The following ANKMY2 variants were observed in gnomAD, a reference collection of about 807,000 sequenced individuals.
ANKMY2 encodes ankyrin repeat and MYND domain containing 2.
ANKMY2 carries 36 observed loss-of-function variants against 50.4 expected under a neutral mutation model. The ratio of observed to expected loss-of-function variants is 0.71; its 90% CI spans 0.55 to 0.94. ANKMY2 has a LOEUF of 0.94. Ranked by LOEUF, ANKMY2 falls within the 40% of genes least tolerant of loss-of-function variation. ANKMY2 has a pLI of 0.00. For synonymous variants in ANKMY2, 187 were observed against 178.8 expected (o/e 1.05, Z -0.36); for missense variants, 565 against 524.0 (o/e 1.08, Z -0.76).
chr7:16,645,384 G>A (rs1402404892), intron 1 of ANKMY2, 123 bp downstream of exon 1: 21 of 952,276 alleles, frequency 2.2e-5, no homozygotes, highest in Non-Finnish European at 2.9e-5. Context: ...CTCTTTCCCG[G>A]TTCCAGGCTG....
Position 16,624,966 on chromosome 7 carries a change from C to A in ANKMY2, c.370+17G>T. 1 of 1,609,730 alleles carries A rather than the reference C, an allele frequency of 6.2e-7. No homozygotes were observed. Among genetic ancestry groups the A allele is most frequent in the Non-Finnish European group, 8.5e-7 (1 of 1,177,228 alleles). ...ATTTTGGGTATAATCTAATGCAAAA[C>A]TGCAGCAAAATCTCACCCACAAAGG... On this transcript the variant is annotated intron_variant, in intron 4 of 9. Coordinates refer to ENST00000306999, the MANE Select transcript of ANKMY2 (RefSeq NM_020319.3).
At chr7:16,639,884 G>T (rs1175579565) in intron 1 of ANKMY2, among the ~76,000 whole-genome samples, 1 of 152,114 alleles carries the variant, frequency 6.6e-6, no homozygotes, top group East Asian at 1.9e-4. Context: ...ACTTGGCCAG[G>T]CATGGTGGCT....
chr7:16,620,335 G>A (rs1478732612), intron 4 of ANKMY2, among the ~76,000 whole-genome samples: 2 of 152,146 alleles, frequency 1.3e-5, no homozygotes, highest in East Asian at 3.9e-4. Flanking sequence ...TACAGCTTGT[G>A]CTAAAAATAC....
At chr7:16,644,896 G>A (rs927797933) in intron 1 of ANKMY2, 14 of 347,708 alleles carry the variant, frequency 4.0e-5, no homozygotes, top group South Asian at 1.0e-4. Flanking sequence ...TGGGTGTGGA[G>A]GCCTCGCCAA....
At chr7:16,608,717 G>C (rs1781198435) in intron 7 of ANKMY2, among the ~76,000 whole-genome samples, 1 of 152,126 alleles carries the variant, frequency 6.6e-6, no homozygotes, top group African/African-American at 2.4e-5. Flanking sequence ...AAATAGAAAA[G>C]GTGGCTGGGC....
chr7:16,622,710 A>C (rs908222774), intron 4 of ANKMY2, among the ~76,000 whole-genome samples: 2 of 152,016 alleles, frequency 1.3e-5, no homozygotes, highest in African/African-American at 4.8e-5. Context: ...ACTGCACTCC[A>C]GCCTGGGCGA....
chr7:16,618,668 G>C lies in ANKMY2; in HGVS notation c.371-2764C>G, dbSNP rs1216233882. The stretch of plus-strand genomic sequence containing the variant: ...CAGTAGCAGTCTATATTAAAAATGT[G>C]AAATGAGCCAAGGTGCTCTGTTTAG... On this transcript the variant is annotated intron_variant, in intron 4 of 9. Transcript: ENST00000306999. Among the ~76,000 whole-genome samples, 5 of 152,152 alleles carry C rather than the reference G, an allele frequency of 3.3e-5. No individual in the cohort carries two copies. In the East Asian group the frequency reaches 7.7e-4, roughly 24 times the overall value.
chr7:16,602,509 C>A lies in ANKMY2; in HGVS notation c.1012G>T (p.Val338Leu), dbSNP rs200492992. 1.2e-6 allele frequency: 2 copies of A among 1,607,862 alleles called. No individual in the cohort carries two copies. The highest frequency in any genetic ancestry group is 1.7e-6 in the Non-Finnish European group (2 of 1,178,436). The change falls in exon 9 of 10, where the codon GTA becomes TTA. Residue 338 changes from valine to leucine, a missense_variant and splice_region_variant. Val to Leu is a conservative substitution (Grantham distance 32). Coordinates refer to ENST00000306999, the MANE Select transcript of ANKMY2 (RefSeq NM_020319.3). ...TGGCAGGTTTGATCACAATATATTA[C>A]CTGAAAGCAATTGTTGGTTTATTTT... ...ASKRCSVCKMVIYCDQTCQKT... is the reference protein window; with the variant it reads ...ASKRCSVCKMLIYCDQTCQKT...
At chr7:16,622,681 A>G (rs1781453258) in intron 4 of ANKMY2, among the ~76,000 whole-genome samples, 1 of 152,016 alleles carries the variant, frequency 6.6e-6, no homozygotes. Flanking sequence ...CGGAGGTTGC[A>G]ATGAGCTGAG....
At chr7:16,605,839 C>T (rs1200396454) in intron 7 of ANKMY2, among the ~76,000 whole-genome samples, 7 of 151,986 alleles carry the variant, frequency 4.6e-5, no homozygotes, top group Admixed American at 6.6e-5. Context: ...CCCGCCACCA[C>T]GCCCGGCTAA....
intron 4 of ANKMY2, among the ~76,000 whole-genome samples, chr7:16,621,500 T>C (rs1351835087): frequency 6.6e-6 from 1 of 152,174 alleles, no homozygotes; most frequent in African/African-American, 2.4e-5. Flanking sequence ...GCCATCACAA[T>C]TAGCTATATA....
intron 4 of ANKMY2, among the ~76,000 whole-genome samples, chr7:16,622,041 G>A (rs1781443103): frequency 6.6e-6 from 1 of 151,430 alleles, no homozygotes. Flanking sequence ...AAAAGAAGAA[G>A]AAGAAAGAAG....
intron 4 of ANKMY2, among the ~76,000 whole-genome samples, chr7:16,623,501 T>C (rs993072163): frequency 1.3e-5 from 2 of 152,190 alleles, no homozygotes; most frequent in Non-Finnish European, 2.9e-5. Context: ...TTTTGTTACA[T>C]TGTGGATATA....
At chr7:16,639,883 G>A (rs1018831297) in intron 1 of ANKMY2, among the ~76,000 whole-genome samples, 3 of 152,134 alleles carry the variant, frequency 2.0e-5, no homozygotes, top group Non-Finnish European at 4.4e-5. Flanking sequence ...AACTTGGCCA[G>A]GCATGGTGGC....
At chr7:16,632,148 T>C (rs557162973) in intron 2 of ANKMY2, among the ~76,000 whole-genome samples, 4 of 150,750 alleles carry the variant, frequency 2.7e-5, no homozygotes, top group Non-Finnish European at 4.4e-5. Context: ...TCCTTACTGT[T>C]TATACATGTT....
intron 5 of ANKMY2, among the ~76,000 whole-genome samples, chr7:16,613,952 C>T (rs1163427064): frequency 6.6e-6 from 1 of 151,750 alleles, no homozygotes; most frequent in East Asian, 1.9e-4. Context: ...TCCACAAACC[C>T]TTACTGCAAT....
intron 8 of ANKMY2, among the ~76,000 whole-genome samples, chr7:16,602,912 A>G (rs769331216): frequency 7.2e-5 from 11 of 152,102 alleles, no homozygotes; most frequent in Non-Finnish European, 1.3e-4. Context: ...CCATAATTGA[A>G]GGCTTCCTGA....
chr7:16,637,868 C>G (rs1781688759), intron 1 of ANKMY2, among the ~76,000 whole-genome samples: 1 of 152,144 alleles, frequency 6.6e-6, no homozygotes, highest in South Asian at 2.1e-4. Context: ...AGGGAGAATA[C>G]TATAGTGATT....
Position 16,644,031 on chromosome 7 carries a change from C to T in ANKMY2, c.67+1476G>A, listed in dbSNP as rs183340136. Among the ~76,000 whole-genome samples, 10 of 151,566 alleles carry T rather than the reference C, an allele frequency of 6.6e-5. No homozygotes were observed. In the East Asian group the frequency reaches 1.7e-3, roughly 26 times the overall value. Reference sequence around the variant, plus strand: ...GAGAGAGAGAAAGAGACAGCGAGAGCGAGAGAGAGAGAGGACATGTACTAG... The same window carrying T: ...GAGAGAGAGAAAGAGACAGCGAGAGTGAGAGAGAGAGAGGACATGTACTAG... On this transcript the variant is annotated intron_variant, in intron 1 of 9. Transcript: ENST00000306999.
Sources: gnomAD v4.1 joint callset for allele counts (sites outside exome capture counted in the v4.1 genomes callset) on GRCh38, gnomAD v4.1.1 for gene constraint, MANE v1.5 for transcripts, NCBI Gene and HGNC (gene_info 2026-07-23, HGNC 2026-07-21) for gene names.